KCNIP4: variants seen among roughly 807,000 people sequenced by gnomAD.
KCNIP4 encodes Kv channel-interacting protein 4.
In KCNIP4, 12 loss-of-function variants were observed where a neutral mutation model predicts 34.0. That is an observed-to-expected ratio of 0.35 (90% CI 0.23 to 0.57). The LOEUF (loss-of-function observed/expected upper bound fraction) is 0.57. KCNIP4 is among the 20% of genes least tolerant of loss of function. KCNIP4 has a pLI of 0.83. For synonymous variants in KCNIP4, 124 were observed against 102.2 expected, an observed-to-expected ratio of 1.21 and a Z score of -1.29; for missense variants, 238 against 311.7, an observed-to-expected ratio of 0.76 and a Z score of 1.78.
chr4:21,293,355 A>G (rs968289347), intron 1 of KCNIP4, among the ~76,000 whole-genome samples: 1 of 152,136 alleles, frequency 6.6e-6, no homozygotes, highest in African/African-American at 2.4e-5. Flanking sequence ...ATTTTTTTAA[A>G]TGGTAAAGTC....
chr4:20,984,225 C>A (rs1353677579), intron 1 of KCNIP4, among the ~76,000 whole-genome samples: 1 of 152,222 alleles, frequency 6.6e-6, no homozygotes, highest in African/African-American at 2.4e-5. Flanking sequence ...GACTTCAGAG[C>A]TGCGAGGGAA....
intron 1 of KCNIP4, among the ~76,000 whole-genome samples, chr4:21,737,639 G>T (rs1716082584): frequency 6.6e-6 from 1 of 152,102 alleles, no homozygotes. Flanking sequence ...ATTCTCTTTT[G>T]CCAGTAACCA....
At chr4:21,463,163 T>C (rs1040621255) in intron 1 of KCNIP4, among the ~76,000 whole-genome samples, 1 of 152,136 alleles carries the variant, frequency 6.6e-6, no homozygotes, top group Non-Finnish European at 1.5e-5. Context: ...TTTCTCCACA[T>C]CCTTCCCAAC....
chr4:21,223,902 G>A (rs543139663), intron 1 of KCNIP4, among the ~76,000 whole-genome samples: 8 of 151,998 alleles, frequency 5.3e-5, no homozygotes, highest in South Asian at 2.1e-4. Context: ...ACCTTTAGCC[G>A]CCCACTCCTT....
chr4:21,425,941 G>A (rs942379662), intron 1 of KCNIP4, among the ~76,000 whole-genome samples: 1 of 151,996 alleles, frequency 6.6e-6, no homozygotes, highest in Non-Finnish European at 1.5e-5. Context: ...GTCGTCCCAG[G>A]TACTCGAGAG....
chr4:21,760,096 G>A (rs1184688347), intron 1 of KCNIP4, among the ~76,000 whole-genome samples: 1 of 152,024 alleles, frequency 6.6e-6, no homozygotes, highest in East Asian at 1.9e-4. Flanking sequence ...GAACAATGAT[G>A]TTCTCACCCA....
chr4:21,452,293 G>T (rs78298490), intron 1 of KCNIP4, among the ~76,000 whole-genome samples: 1,544 of 152,218 alleles, frequency 0.01, 10 homozygotes, highest in Non-Finnish European at 0.016. Flanking sequence ...TTATATCAAA[G>T]ACCCTGCCTT....
At chr4:21,730,736 G>T (rs1304086286) in intron 1 of KCNIP4, among the ~76,000 whole-genome samples, 4 of 152,124 alleles carry the variant, frequency 2.6e-5, no homozygotes, top group African/African-American at 9.7e-5. Flanking sequence ...ACTCTGAAAT[G>T]GGCATCTGTT....
chr4:21,675,532 C>T (rs1275217760), intron 1 of KCNIP4, among the ~76,000 whole-genome samples: 3 of 152,078 alleles, frequency 2.0e-5, no homozygotes, highest in African/African-American at 7.2e-5. Flanking sequence ...ACATTGCATG[C>T]CTGTATCAAA....
In KCNIP4 at chr4:21,617,451, G is replaced by A. The variant is rs912752642; in HGVS notation, c.61+331120C>T. Among the ~76,000 whole-genome samples the A allele has an allele frequency of 2.6e-5, 4 of 152,024 alleles. No homozygotes were observed. The East Asian group carries it at 5.8e-4, about 22-fold the overall frequency. On this transcript the variant is annotated intron_variant, in intron 1 of 8. Transcript: ENST00000382152. ...TGCTGCATTTTTTATTAGAGGACAC[G>A]TTTTCCTTTAATTTCCCTAATGTGT...
chr4:21,017,187 T>C (rs1739619649), intron 1 of KCNIP4, among the ~76,000 whole-genome samples: 1 of 152,180 alleles, frequency 6.6e-6, no homozygotes, highest in South Asian at 2.1e-4. Context: ...AAATATAAAT[T>C]ATTTTATCTT....
At chr4:21,360,463 G>T (rs963006948) in intron 1 of KCNIP4, among the ~76,000 whole-genome samples, 7 of 152,110 alleles carry the variant, frequency 4.6e-5, no homozygotes, top group Admixed American at 3.3e-4. Flanking sequence ...GTTTCTTGAA[G>T]TCTTCTTTTT....
chr4:20,802,232 TAC>T lies in KCNIP4; in HGVS notation c.289-43344_289-43343del, dbSNP rs1291598355. Among the ~76,000 whole-genome samples, 128 of 144,012 alleles carry T rather than the reference TAC, an allele frequency of 8.9e-4. 17 individuals are homozygous for T. The highest frequency in any genetic ancestry group is 3.0e-3 in the African/African-American group (113 of 38,258). 94.5% of individuals were successfully genotyped at this position (144,012 alleles called of 152,430 possible). A position where few individuals can be genotyped will look rare whatever the true frequency, so the allele number is the denominator to read the frequency against. On this transcript the variant is annotated intron_variant, in intron 3 of 8. Transcript: ENST00000382152. ...TGCTACATATATGCTATACATATGC[TAC>T]ATATATGCTATATATATGCTACATA...
intron 1 of KCNIP4, among the ~76,000 whole-genome samples, chr4:21,181,755 C>T (rs1754858635): frequency 1.3e-5 from 2 of 152,110 alleles, no homozygotes; most frequent in African/African-American, 4.8e-5. Context: ...TCACTGCATT[C>T]ATTACATACC....
intron 1 of KCNIP4, among the ~76,000 whole-genome samples, chr4:21,390,817 G>T (rs1187496109): frequency 6.6e-6 from 1 of 151,916 alleles, no homozygotes; most frequent in Non-Finnish European, 1.5e-5. Flanking sequence ...AACATACCTT[G>T]TGTATATTTT....
chr4:21,245,714 G>A (rs1237887561), intron 1 of KCNIP4, among the ~76,000 whole-genome samples: 2 of 151,934 alleles, frequency 1.3e-5, no homozygotes, highest in Non-Finnish European at 2.9e-5. Context: ...AAGAATGAGA[G>A]TATCTGGGGG....
intron 1 of KCNIP4, among the ~76,000 whole-genome samples, chr4:21,422,963 C>A (rs1292110098): frequency 6.6e-6 from 1 of 152,122 alleles, no homozygotes; most frequent in Non-Finnish European, 1.5e-5. Context: ...ATATCTAGAA[C>A]CTTAGACTTC....
At chr4:20,821,683 C>A (rs1181255878) in intron 3 of KCNIP4, among the ~76,000 whole-genome samples, 1 of 152,072 alleles carries the variant, frequency 6.6e-6, no homozygotes, top group African/African-American at 2.4e-5. Flanking sequence ...ACTCTTGTGC[C>A]TTTGCCTCCT....
At chr4:20,876,820 C>A (rs547328147) in intron 2 of KCNIP4, among the ~76,000 whole-genome samples, 3 of 152,272 alleles carry the variant, frequency 2.0e-5, no homozygotes, top group African/African-American at 7.2e-5. Flanking sequence ...GATCCACCCA[C>A]CTCGGCCTCC....
Sources: allele counts gnomAD v4.1 joint callset (sites outside exome capture counted in the v4.1 genomes callset), GRCh38; gene constraint gnomAD v4.1.1; transcripts MANE v1.5; gene names NCBI Gene and HGNC (gene_info 2026-07-23, HGNC 2026-07-21).